CD81: variants seen among roughly 807,000 people sequenced by gnomAD.
CD81 encodes the protein CD81 molecule.
Under a neutral mutation model 30.1 loss-of-function variants are expected in CD81, and 10 were observed. The observed-to-expected ratio is 0.33, with a 90% CI of 0.21 to 0.56. CD81 has a LOEUF of 0.56. Ranked by LOEUF, CD81 falls within the 20% of genes least tolerant of loss-of-function variation. The pLI is 0.89. For missense variants in CD81, 263 were observed against 308.7 expected, an observed-to-expected ratio of 0.85 and a Z score of 1.11; for synonymous variants, 147 against 126.4, an observed-to-expected ratio of 1.16 and a Z score of -1.10.
chr11:2,384,615 C>T (rs1849759510), intron 1 of CD81: 1 of 173,150 alleles, frequency 5.8e-6, no homozygotes, highest in Non-Finnish European at 1.3e-5. Context: ...CGGGGCATCT[C>T]AGAGGGCGCC....
rs576652673 is a variant in CD81, at chr11:2,386,532, T to C, written c.67-3880T>C. 1,662 of 716,540 alleles carry C rather than the reference T, an allele frequency of 2.3e-3. 22 individuals carry two copies. Among genetic ancestry groups the C allele is most frequent in the Non-Finnish European group, 3.7e-4 (143 of 384,688 alleles). The allele number at this position is 716,540 out of a possible 1,614,324, so 44.4% of individuals were successfully genotyped here. A position where few individuals can be genotyped will look rare whatever the true frequency, so the allele number is the denominator to read the frequency against. ...CTCATCCAGAAACCGGCAGTGACCA[T>C]CACCACCATTGTTGTCACCTAGCTC... On this transcript the variant is annotated intron_variant, in intron 1 of 7. Transcript: ENST00000263645.
chr11:2,378,703 A>T lies in CD81; in HGVS notation c.66+1088A>T, dbSNP rs566433529. On this transcript the variant is annotated intron_variant, in intron 1 of 7. Transcript: ENST00000263645. The surrounding 1 kb of genome is among the most constrained non-coding windows in gnomAD (Gnocchi z 4.9). Reference sequence around the variant, plus strand: ...GCCACGCCCCTGGGCATAGACTGCAAGCCCCTCCCCGTGCCCCCCAGGCTG... The same window carrying T: ...GCCACGCCCCTGGGCATAGACTGCATGCCCCTCCCCGTGCCCCCCAGGCTG... 2.0e-5 allele frequency among the ~76,000 whole-genome samples: 3 copies of T among 152,226 alleles called. No homozygotes were observed. In the East Asian group the frequency reaches 5.8e-4, roughly 30 times the overall value.
At chr11:2,393,319 G>A (rs33977853) in intron 2 of CD81, 15,924 of 154,042 alleles carry the variant, frequency 0.1, 2,390 homozygotes, top group African/African-American at 0.34. Context: ...CCCACAGTGC[G>A]CCCCCCACCC....
rs1180541806 is a variant in CD81, at chr11:2,396,622, C to G, written c.562-6C>G. 1 of 1,610,542 alleles carries G rather than the reference C, an allele frequency of 6.2e-7. No homozygotes were observed. Among genetic ancestry groups the G allele is most frequent in the Non-Finnish European group, 8.5e-7 (1 of 1,179,818 alleles). On this transcript the variant is annotated splice_region_variant and splice_polypyrimidine_tract_variant and intron_variant, in intron 6 of 7. Transcript: ENST00000263645. ...CCTGACCACGCGTGCCTGGCCACCC[C>G]TGCAGGAGGACTGCCACCAGAAGAT...
At chr11:2,396,742 T>C (rs748525941) in intron 7 of CD81, 28 bp downstream of exon 7, 1 of 1,611,546 alleles carries the variant, frequency 6.2e-7, no homozygotes, top group South Asian at 1.1e-5. Context: ...GAGGGCCTGC[T>C]CTCTGGGCTG....
In CD81 at chr11:2,396,730, C is replaced by T. The variant is rs535276446; in HGVS notation, c.648+16C>T. The T allele has an allele frequency of 1.0e-4, 162 of 1,611,340 alleles. No individual in the cohort carries two copies. Among genetic ancestry groups the T allele is most frequent in the South Asian group, 6.0e-4 (55 of 91,078 alleles). ...TGTGATCATGGTGAGCGGGCGGGGGCGGAGGGCCTGCTCTCTGGGCTGCCC... is the reference window on the plus strand; with the variant it reads ...TGTGATCATGGTGAGCGGGCGGGGGTGGAGGGCCTGCTCTCTGGGCTGCCC... On this transcript the variant is annotated intron_variant, in intron 7 of 7. Coordinates refer to ENST00000263645, the MANE Select transcript of CD81 (RefSeq NM_004356.4).
At chr11:2,376,958 A>G (rs1006618250), upstream of CD81, 3 of 152,388 alleles carry the variant, frequency 2.0e-5, no homozygotes, top group African/African-American at 7.2e-5. Context: ...CAGATTGTCC[A>G]AGGTGCTTGA....
chr11:2,397,030 T>C lies in CD81; in HGVS notation c.*164T>C, dbSNP rs113585763. The C allele has an allele frequency of 1.3e-5, 9 of 715,274 alleles. No homozygotes were observed. The highest frequency in any genetic ancestry group is 5.3e-5 in the African/African-American group (3 of 57,104). The allele number at this position is 715,274 out of a possible 1,614,324, so 44.3% of individuals were successfully genotyped here. A position where few individuals can be genotyped will look rare whatever the true frequency, so the allele number is the denominator to read the frequency against. On this transcript the variant is annotated 3_prime_UTR_variant, in exon 8 of 8. Transcript: ENST00000263645. ...TTGTTTTTGTTCTGAACTTTCCTGTTACCTTTTCAGGGCTGACGTCACATG... is the reference window on the plus strand; with the variant it reads ...TTGTTTTTGTTCTGAACTTTCCTGTCACCTTTTCAGGGCTGACGTCACATG...
chr11:2,395,657 C>T, intron 5 of CD81, 137 bp downstream of exon 5: 1 of 789,930 alleles, frequency 1.3e-6, no homozygotes, highest in Non-Finnish European at 2.1e-6. Flanking sequence ...CCCCTGGTCT[C>T]AACTGGTCCT....
intron 4 of CD81, 58 bp from the exon 5 acceptor site, chr11:2,395,358 G>A: frequency 4.3e-6 from 6 of 1,386,286 alleles, no homozygotes; most frequent in South Asian, 3.5e-5. Context: ...GGGCGGGGCG[G>A]GGTGGGGGCA....
At chr11:2,384,323 T>TCTCGGGAAGCGGGGC (rs1849750248) in intron 1 of CD81, among the ~76,000 whole-genome samples, 2 of 41,006 alleles carry the variant, frequency 4.9e-5, no homozygotes, top group Non-Finnish European at 4.7e-5. Flanking sequence ...GGAGGCGGGG[T>TCTCGGGAAGCGGGGC]GTCTCGGGAA....
At chr11:2,385,084 T>A (rs2133447737) in intron 1 of CD81, among the ~76,000 whole-genome samples, 1 of 152,168 alleles carries the variant, frequency 6.6e-6, no homozygotes, top group East Asian at 1.9e-4. Flanking sequence ...AAGCGTTGGC[T>A]CTGCCTCGGA....
rs1849639767 is a variant in CD81, at chr11:2,378,487, G to A, written c.66+872G>A. ...CCACGCTGGGCATCTTTGGGTGCCA[G>A]CGTGGGTGGAGGAGGGTCTTTTGCT... On this transcript the variant is annotated intron_variant, in intron 1 of 7. Transcript: ENST00000263645. The surrounding 1 kb of genome is among the most constrained non-coding windows in gnomAD (Gnocchi z 4.9). Among the ~76,000 whole-genome samples the A allele has an allele frequency of 6.6e-6, 1 of 152,246 alleles. No homozygotes were observed. The highest frequency in any genetic ancestry group is 1.5e-5 in the Non-Finnish European group (1 of 68,042).
chr11:2,396,755 C>T (rs1270163532), intron 7 of CD81, 41 bp downstream of exon 7: 2 of 1,611,834 alleles, frequency 1.2e-6, no homozygotes, highest in East Asian at 2.2e-5. Flanking sequence ...CTGGGCTGCC[C>T]CTTCCGCGGG....
At chr11:2,388,785 T>G (rs564294346) in intron 1 of CD81, among the ~76,000 whole-genome samples, 23 of 152,144 alleles carry the variant, frequency 1.5e-4, no homozygotes, top group African/African-American at 5.5e-4. Flanking sequence ...TCCCCCTGCC[T>G]CCTCCTCCAG....
chr11:2,396,772 T>A (rs183128633), intron 7 of CD81, 32 bp from the exon 8 acceptor site: 336 of 1,612,316 alleles, frequency 2.1e-4, no homozygotes, highest in Non-Finnish European at 2.6e-4. Context: ...CGGGGCCTTG[T>A]GCTGACTGCG....
At chr11:2,393,856 C>A in intron 2 of CD81, 1 of 677,750 alleles carries the variant, frequency 1.5e-6, no homozygotes, top group Non-Finnish European at 2.7e-6. Flanking sequence ...TCATGAGGTG[C>A]CCAGTCCCCA....
intron 4 of CD81, 73 bp downstream of exon 4, chr11:2,395,119 T>C: frequency 7.8e-7 from 1 of 1,274,706 alleles, no homozygotes; most frequent in Non-Finnish European, 1.1e-6. Flanking sequence ...CGGGTGGGGG[T>C]TGGGCTGACT....
intron 1 of CD81, among the ~76,000 whole-genome samples, chr11:2,383,185 G>C (rs530501414): frequency 2.0e-5 from 3 of 152,206 alleles, no homozygotes; most frequent in African/African-American, 4.8e-5. Context: ...TGGAGCTTCC[G>C]CTTCCTGGCC....
Sources: allele counts gnomAD v4.1 joint callset (sites outside exome capture counted in the v4.1 genomes callset), GRCh38; gene constraint gnomAD v4.1.1; non-coding constraint Gnocchi (gnomAD v3.1); transcripts MANE v1.5; gene names NCBI Gene and HGNC (gene_info 2026-07-23, HGNC 2026-07-21).